PCDH15: variants seen among roughly 807,000 people sequenced by gnomAD.
The protein encoded by PCDH15 is protocadherin related 15, also known as protocadherin-15.
PCDH15 carries 129 observed loss-of-function variants against 178.5 expected under a neutral mutation model. The observed-to-expected ratio is 0.72, with a 90% CI of 0.63 to 0.84. The LOEUF is 0.84. Ranked by LOEUF, PCDH15 falls within the 40% of genes least tolerant of loss-of-function variation. The pLI is 0.00. For synonymous variants in PCDH15, 800 were observed against 732.0 expected (o/e 1.09, Z -1.50); for missense variants, 2,230 against 2,099.9 (o/e 1.06, Z -1.21).
At chr10:54,531,418 CA>C (rs2083912464) in intron 2 of PCDH15, among the ~76,000 whole-genome samples, 1 of 151,828 alleles carries the variant, frequency 6.6e-6, no homozygotes, top group Non-Finnish European at 1.5e-5. Flanking sequence ...ATTTAAAATC[CA>C]AAGAGGAGAA....
At chr10:54,299,281 C>T (rs561765105) in intron 8 of PCDH15, among the ~76,000 whole-genome samples, 152 of 148,132 alleles carry the variant, frequency 1.0e-3, no homozygotes, top group African/African-American at 3.7e-3. Context: ...GACAGAGAGT[C>T]AAAGAAGTAA....
At chr10:55,477,677 T>C (rs949418933) in intron 2 of PCDH15, among the ~76,000 whole-genome samples, 1 of 151,982 alleles carries the variant, frequency 6.6e-6, no homozygotes, top group Non-Finnish European at 1.5e-5. Context: ...TGATCTCATA[T>C]GTTAATTAGA....
At chr10:55,421,307 T>C (rs1413093636) in intron 2 of PCDH15, among the ~76,000 whole-genome samples, 1 of 151,218 alleles carries the variant, frequency 6.6e-6, no homozygotes, top group African/African-American at 2.4e-5. Context: ...GGATATCTAA[T>C]AAATTTTTTA....
At chr10:54,237,378 G>A (rs549735335) in intron 8 of PCDH15, among the ~76,000 whole-genome samples, 5 of 151,794 alleles carry the variant, frequency 3.3e-5, no homozygotes, top group African/African-American at 4.8e-5. Context: ...TATAAATAAA[G>A]TAAATAATTT....
intron 2 of PCDH15, among the ~76,000 whole-genome samples, chr10:55,549,429 T>A (rs538734791): frequency 2.0e-5 from 3 of 152,238 alleles, no homozygotes; most frequent in African/African-American, 7.2e-5. Flanking sequence ...ATGCATCAAT[T>A]GAACATCACA....
At chr10:55,457,806 ATCATTT>A (rs66465906) in intron 2 of PCDH15, among the ~76,000 whole-genome samples, 115,526 of 151,176 alleles carry the variant, frequency 0.76, 45,477 homozygotes, top group East Asian at 0.99. Context: ...TTTCCCATAA[ATCATTT>A]TCAAAGTTAA....
At chr10:54,873,025 C>A (rs76116145) in intron 3 of PCDH15, among the ~76,000 whole-genome samples, 3 of 92,286 alleles carry the variant, frequency 3.3e-5, no homozygotes, top group African/African-American at 3.1e-5. Context: ...GGAAAAAAAA[C>A]GAAACAATTT....
intron 3 of PCDH15, among the ~76,000 whole-genome samples, chr10:54,442,021 G>GA (rs2075819648): frequency 6.6e-6 from 1 of 151,664 alleles, no homozygotes; most frequent in African/African-American, 2.4e-5. Context: ...GTGTATAATT[G>GA]AAAATCTATT....
chr10:53,899,588 A>C (rs1246824539), intron 26 of PCDH15, among the ~76,000 whole-genome samples: 1 of 152,180 alleles, frequency 6.6e-6, no homozygotes, highest in African/African-American at 2.4e-5. Flanking sequence ...TGGACCAAAA[A>C]AAATTAACTT....
At chr10:54,516,243 A>C (rs2082203109) in intron 3 of PCDH15, among the ~76,000 whole-genome samples, 2 of 152,200 alleles carry the variant, frequency 1.3e-5, no homozygotes, top group Admixed American at 1.3e-4. Flanking sequence ...AGAAGGCTTC[A>C]GATGATCAAC....
intron 2 of PCDH15, among the ~76,000 whole-genome samples, chr10:54,927,815 G>C: frequency 6.6e-6 from 1 of 151,644 alleles, no homozygotes; most frequent in Admixed American, 6.6e-5. Context: ...CATTTACTTT[G>C]AGCCTGTGGG....
chr10:55,374,296 A>G (rs1259478333), intron 2 of PCDH15, among the ~76,000 whole-genome samples: 1 of 152,082 alleles, frequency 6.6e-6, no homozygotes, highest in Non-Finnish European at 1.5e-5. Context: ...GTGCAGGCCA[A>G]TGGCCTTGAG....
At position 55,394,988 on chromosome 10, in the gene PCDH15, G is replaced by A. The variant is rs1837885622; in HGVS notation, c.-155-228337C>T. On this transcript the variant is annotated intron_variant, in intron 2 of 5. Coordinates refer to the PCDH15 transcript ENST00000613346. ...TTCAGTTTCTTAACTTGGGCAACGT[G>A]AATTGTAATAATATTTAACTATGAA... Among the ~76,000 whole-genome samples the A allele has an allele frequency of 2.0e-5, 3 of 152,040 alleles. No individual in the cohort carries two copies. The South Asian group carries it at 6.2e-4, about 32-fold the overall frequency.
At chr10:55,209,859 T>A (rs1840514192) in intron 1 of PCDH15, among the ~76,000 whole-genome samples, 2 of 152,106 alleles carry the variant, frequency 1.3e-5, no homozygotes, top group South Asian at 4.1e-4. Context: ...TTTGTATGTG[T>A]GATTCATGCA....
At position 55,115,838 on chromosome 10, in the gene PCDH15, C is replaced by A. The variant is rs555676827; in HGVS notation, c.-80+50738G>T. 3.9e-5 allele frequency among the ~76,000 whole-genome samples: 6 copies of A among 152,256 alleles called. No individual in the cohort carries two copies. The South Asian group carries it at 1.0e-3, about 26-fold the overall frequency. ...AAGGGTTGTGAGAATTAAAAGAAAT[C>A]TTGTATTGGACTGAATAGCCTAAAC... On this transcript the variant is annotated intron_variant, in intron 2 of 5. Transcript: ENST00000458638.
chr10:53,854,731 C>T (rs1490692317), intron 28 of PCDH15, among the ~76,000 whole-genome samples: 6 of 151,996 alleles, frequency 3.9e-5, no homozygotes, highest in African/African-American at 1.2e-4. Flanking sequence ...GAATATTTAC[C>T]ATTCACCGAA....
chr10:54,587,822 T>C (rs914408177), intron 2 of PCDH15, among the ~76,000 whole-genome samples: 1 of 152,084 alleles, frequency 6.6e-6, no homozygotes, highest in African/African-American at 2.4e-5. Context: ...ATGAAAATAA[T>C]GATGCAAAAA....
intron 1 of PCDH15, among the ~76,000 whole-genome samples, chr10:54,791,397 T>G (rs1383945724): frequency 6.6e-6 from 1 of 151,918 alleles, no homozygotes; most frequent in Non-Finnish European, 1.5e-5. Flanking sequence ...TGAAGTTGAA[T>G]TCAAACTGGA....
chr10:53,888,311 T>TATGTAC (rs1554845241), intron 26 of PCDH15, among the ~76,000 whole-genome samples: 12,711 of 41,468 alleles, frequency 0.31, 1,538 homozygotes, highest in East Asian at 0.57. Context: ...TATATATATG[T>TATGTAC]ATATATGTAC....
Sources: gnomAD v4.1 joint callset for allele counts (sites outside exome capture counted in the v4.1 genomes callset) on GRCh38, gnomAD v4.1.1 for gene constraint, MANE v1.5 for transcripts, NCBI Gene and HGNC (gene_info 2026-07-23, HGNC 2026-07-21) for gene names.